CLEC4F: variants seen among roughly 807,000 people sequenced by gnomAD.
CLEC4F encodes C-type (calcium dependent, carbohydrate-recognition domain) lectin, superfamily member 13.
A neutral mutation model predicts 53.4 loss-of-function variants in CLEC4F; 45 were observed. The ratio of observed to expected loss-of-function variants is 0.84; its 90% CI spans 0.66 to 1.08. The LOEUF is 1.08. Among genes scored for constraint, CLEC4F ranks in the 50% least tolerant of loss-of-function variants. The pLI is 0.00. For missense variants in CLEC4F, 753 were observed against 698.2 expected (o/e 1.08, Z -0.88); for synonymous variants, 245 against 257.5 (o/e 0.95, Z 0.46).
At chr2:70,824,034 A>AAAAG (rs1242134595), upstream of CLEC4F, among the ~76,000 whole-genome samples, 3 of 137,684 alleles carry the variant, frequency 2.2e-5, no homozygotes, top group East Asian at 2.1e-4. Flanking sequence ...CAAAAAAAAA[A>AAAAG]AAAGAAAGAA....
upstream of CLEC4F, among the ~76,000 whole-genome samples, chr2:70,825,044 C>A (rs1436383587): frequency 6.6e-6 from 1 of 152,108 alleles, no homozygotes; most frequent in Admixed American, 6.5e-5. Flanking sequence ...AGGTCAACGC[C>A]AACAGTAATG....
chr2:70,820,584 GTGGACCAA>G lies in CLEC4F; in HGVS notation c.-69_-62del. The G allele has an allele frequency of 6.7e-7, 1 of 1,501,698 alleles. No individual in the cohort carries two copies. 93.0% of individuals were successfully genotyped at this position (1,501,698 alleles called of 1,614,324 possible). A position where few individuals can be genotyped will look rare whatever the true frequency, so the allele number is the denominator to read the frequency against. On this transcript the variant is annotated 5_prime_UTR_variant, in exon 1 of 7. Transcript: ENST00000272367. Reference sequence around the variant, plus strand: ...CACTGGCTCCTGGAAGGGCCGTCCCGTGGACCAATGGCAGTGGAAGCAAAGCTGAGACA... The same window carrying G: ...CACTGGCTCCTGGAAGGGCCGTCCCGTGGCAGTGGAAGCAAAGCTGAGACA...
In CLEC4F at chr2:70,808,940, C is replaced by A; in HGVS notation, c.*331G>T. The A allele has an allele frequency of 2.4e-6, 2 of 824,532 alleles. No individual in the cohort carries two copies. Among genetic ancestry groups the A allele is most frequent in the Non-Finnish European group, 1.9e-6 (1 of 518,766 alleles). The allele number at this position is 824,532 out of a possible 1,614,324, so 51.1% of individuals were successfully genotyped here. A position where few individuals can be genotyped will look rare whatever the true frequency, so the allele number is the denominator to read the frequency against. On this transcript the variant is annotated 3_prime_UTR_variant, in exon 7 of 7. Coordinates refer to ENST00000272367, the MANE Select transcript of CLEC4F (RefSeq NM_173535.3). ...GCTCTGGCCTGCCCTCAGGCCACAC[C>A]CTGGCCCATGGGCTTCTTGCACACC...
upstream of CLEC4F, among the ~76,000 whole-genome samples, chr2:70,824,644 A>AAAAAAAAAAAAAG (rs1677306003): frequency 6.6e-6 from 1 of 150,730 alleles, no homozygotes; most frequent in African/African-American, 2.4e-5. Context: ...AAAAAAAAAA[A>AAAAAAAAAAAAAG]AACTGAGGGA....
rs1183655897 is a variant in CLEC4F, at chr2:70,816,465, T to G, written c.916A>C (p.Ile306Leu). The G allele has an allele frequency of 6.2e-7, 1 of 1,613,980 alleles. No individual in the cohort carries two copies. Among genetic ancestry groups the G allele is most frequent in the East Asian group, 2.2e-5 (1 of 44,880 alleles). ...CTAGTGTTGTCAAAACTGCTTTTTA[T>G]AAAGGCCTGGGTCTGGGAGTTTAAA... is the stretch of plus-strand genomic sequence containing the variant. The part of the protein sequence containing the change: ...NALNSQTQAF[I>L]KSSFDNTSAE... Residue 306 changes from isoleucine (I) to leucine (L), a missense_variant, in exon 4 of 7, where the codon ATA (isoleucine) becomes CTA (leucine). Transcript: ENST00000272367.
intron 3 of CLEC4F, among the ~76,000 whole-genome samples, chr2:70,818,944 A>C (rs1553397106): frequency 6.6e-6 from 1 of 152,122 alleles, no homozygotes; most frequent in East Asian, 1.9e-4. Flanking sequence ...GCAAAGAACA[A>C]AGAGTACATA....
intron 3 of CLEC4F, among the ~76,000 whole-genome samples, chr2:70,817,562 T>G (rs1264831120): frequency 1.3e-5 from 2 of 152,218 alleles, no homozygotes; most frequent in Non-Finnish European, 2.9e-5. Flanking sequence ...TAGTCCTACA[T>G]TATATTTGTA....
upstream of CLEC4F, among the ~76,000 whole-genome samples, chr2:70,823,881 C>T (rs1271548759): frequency 6.6e-6 from 1 of 151,896 alleles, no homozygotes; most frequent in Non-Finnish European, 1.5e-5. Flanking sequence ...AATACAAAAA[C>T]TAACTGGGCA....
upstream of CLEC4F, among the ~76,000 whole-genome samples, chr2:70,824,307 G>A (rs1303044424): frequency 7.0e-5 from 8 of 114,672 alleles, no homozygotes; most frequent in African/African-American, 1.5e-4. Context: ...TATTCCGTTC[G>A]TCTCCTAACT....
chr2:70,814,763 T>C (rs1169894123), intron 4 of CLEC4F, among the ~76,000 whole-genome samples: 1 of 150,078 alleles, frequency 6.7e-6, no homozygotes, highest in African/African-American at 2.5e-5. Flanking sequence ...AAAATTAAGC[T>C]AATAGTTCTC....
chr2:70,811,498 A>C (rs1308169528), intron 5 of CLEC4F: 1 of 466,444 alleles, frequency 2.1e-6, no homozygotes, highest in Non-Finnish European at 4.2e-6. Context: ...CCCATAGCTT[A>C]TTAAGAAGAT....
rs782487567 is a variant in CLEC4F, at chr2:70,815,863, C to T, written c.1387+131G>A. On this transcript the variant is annotated intron_variant, in intron 4 of 6. Coordinates refer to ENST00000272367, the MANE Select transcript of CLEC4F (RefSeq NM_173535.3). ...CACCATCTCTACAACTGCCCAGTTT[C>T]CTTGGGCCCATTTCCCTGGATTTGG... 4.2e-4 allele frequency: 425 copies of T among 1,007,534 alleles called. 2 individuals carry two copies. The highest frequency in any genetic ancestry group is 5.4e-4 in the Non-Finnish European group (373 of 686,392). 62.4% of individuals were successfully genotyped at this position (1,007,534 alleles called of 1,614,324 possible).
rs1443874876 is a variant in CLEC4F at position 70,817,440 on chromosome 2, C to T, written c.269-328G>A. On this transcript the variant is annotated intron_variant, in intron 3 of 6. Transcript: ENST00000272367. ...TTATTTTGTCGTTATAATTGCTCAACTTGAAAGTAACTGATTTTATCATTT... is the reference window on the plus strand; with the variant it reads ...TTATTTTGTCGTTATAATTGCTCAATTTGAAAGTAACTGATTTTATCATTT... Among the ~76,000 whole-genome samples, 5 of 152,308 alleles carry T rather than the reference C, an allele frequency of 3.3e-5. No homozygotes were observed. In the South Asian group the frequency reaches 8.3e-4, roughly 25 times the overall value.
intron 3 of CLEC4F, among the ~76,000 whole-genome samples, chr2:70,817,846 C>A (rs183215839): frequency 9.3e-4 from 141 of 152,272 alleles, no homozygotes; most frequent in Non-Finnish European, 1.5e-3. Context: ...AGGGTCCCTA[C>A]AGAACAGTTT....
chr2:70,820,014 C>T (rs1677150148), intron 1 of CLEC4F, 123 bp from the exon 2 acceptor site: 3 of 620,356 alleles, frequency 4.8e-6, no homozygotes, highest in Non-Finnish European at 5.5e-6. Flanking sequence ...GATGATAACT[C>T]CTGCCATGCT....
chr2:70,823,018 C>T (rs1677266145), upstream of CLEC4F, among the ~76,000 whole-genome samples: 1 of 152,200 alleles, frequency 6.6e-6, no homozygotes. Flanking sequence ...CCATGCGTGG[C>T]TGATGTCAAC....
chr2:70,818,026 T>C (rs1553396844), intron 3 of CLEC4F, among the ~76,000 whole-genome samples: 1 of 152,184 alleles, frequency 6.6e-6, no homozygotes, highest in Non-Finnish European at 1.5e-5. Flanking sequence ...CACACATCCA[T>C]GATCCCCTTC....
chr2:70,819,284 G>T, intron 3 of CLEC4F, 71 bp downstream of exon 3: 1 of 1,173,430 alleles, frequency 8.5e-7, no homozygotes, highest in Non-Finnish European at 1.3e-6. Context: ...CAGGAGAGAA[G>T]CTCATCCTAG....
At chr2:70,809,893 T>A (rs1440892979) in intron 5 of CLEC4F, 36 bp from the exon 6 acceptor site, 25 of 1,468,974 alleles carry the variant, frequency 1.7e-5, no homozygotes, top group Non-Finnish European at 2.2e-5. Flanking sequence ...TGCCCCTGTG[T>A]GTGGGGAGCC....
Sources: allele counts gnomAD v4.1 joint callset (sites outside exome capture counted in the v4.1 genomes callset), GRCh38; gene constraint gnomAD v4.1.1; transcripts MANE v1.5; gene names NCBI Gene and HGNC (gene_info 2026-07-23, HGNC 2026-07-21).